The following PPFIBP1 variants were observed in gnomAD, a reference collection of about 807,000 sequenced individuals.
The protein encoded by PPFIBP1 is PPFIB scaffold protein 1.
Under a neutral mutation model 137.8 loss-of-function variants are expected in PPFIBP1, and 112 were observed. That is an observed-to-expected ratio of 0.81 (90% CI 0.70 to 0.95). The LOEUF (loss-of-function observed/expected upper bound fraction) is 0.95. Ranked by LOEUF, PPFIBP1 falls within the 40% of genes least tolerant of loss-of-function variation. The probability of loss-of-function intolerance (pLI) is 0.00; values close to 1 mark genes in which losing one functional copy is unlikely to be tolerated. For missense variants in PPFIBP1, 1,083 were observed against 1,196.6 expected (o/e 0.91, Z 1.40); for synonymous variants, 378 against 417.3 (o/e 0.91, Z 1.15).
rs2061697281 is a variant in PPFIBP1 at position 27,694,723 on chromosome 12, A to T, written c.*1841A>T. The stretch of plus-strand genomic sequence containing the variant: ...TTATATTTGTAGAAGTATTAGAAAA[A>T]TATTCTATTTTTTATTCAGTGCTGC... On this transcript the variant is annotated 3_prime_UTR_variant, in exon 30 of 30. Coordinates refer to ENST00000228425, the MANE Select transcript of PPFIBP1 (RefSeq NM_003622.4). The T allele has an allele frequency of 6.6e-6, 1 of 152,226 alleles. No individual in the cohort carries two copies. Among genetic ancestry groups the T allele is most frequent in the Non-Finnish European group, 1.5e-5 (1 of 68,050 alleles). The allele number at this position is 152,226 out of a possible 1,614,324, so 9.4% of individuals were successfully genotyped here.
At chr12:27,664,530 T>C in intron 12 of PPFIBP1, 84 bp downstream of exon 12, 2 of 905,468 alleles carry the variant, frequency 2.2e-6, no homozygotes, top group Non-Finnish European at 3.6e-6. Context: ...ATTTCTTTCC[T>C]GGATCATACC....
At chr12:27,532,886 G>A (rs945421438) in intron 1 of PPFIBP1, among the ~76,000 whole-genome samples, 2 of 152,122 alleles carry the variant, frequency 1.3e-5, no homozygotes, top group African/African-American at 4.8e-5. Context: ...AGAAGTAAGG[G>A]AACTATTGTT....
chr12:27,541,354 G>T (rs1350970476), intron 1 of PPFIBP1, among the ~76,000 whole-genome samples: 1 of 152,098 alleles, frequency 6.6e-6, no homozygotes, highest in African/African-American at 2.4e-5. Flanking sequence ...CTTTTCCCTT[G>T]ATAGAAGTGA....
intron 4 of PPFIBP1, among the ~76,000 whole-genome samples, chr12:27,643,414 T>C (rs552023780): frequency 7.8e-6 from 1 of 129,024 alleles, no homozygotes; most frequent in South Asian, 2.5e-4. Flanking sequence ...CTAACCTTAG[T>C]GCATTCAGAG....
intron 11 of PPFIBP1, among the ~76,000 whole-genome samples, chr12:27,662,525 A>G (rs2059615434): frequency 6.6e-6 from 1 of 152,202 alleles, no homozygotes; most frequent in Non-Finnish European, 1.5e-5. Context: ...ATAGCAGTGA[A>G]GTGATAAGGT....
intron 3 of PPFIBP1, among the ~76,000 whole-genome samples, chr12:27,633,929 C>T (rs1565906633): frequency 6.6e-6 from 1 of 150,924 alleles, no homozygotes; most frequent in Non-Finnish European, 1.5e-5. Context: ...CCTCCGCCTC[C>T]TGGGTTCAAG....
chr12:27,657,764 G>C (rs1435389245), intron 9 of PPFIBP1, among the ~76,000 whole-genome samples: 1 of 152,118 alleles, frequency 6.6e-6, no homozygotes, highest in East Asian at 1.9e-4. Context: ...ATTGTGTATT[G>C]ATAAGGGACA....
intron 2 of PPFIBP1, among the ~76,000 whole-genome samples, chr12:27,605,906 T>C (rs12818919): frequency 0.15 from 22,257 of 152,186 alleles, 2,152 homozygotes; most frequent in African/African-American, 0.26. Flanking sequence ...TGCAATTTGA[T>C]AATTCCATTG....
At chr12:27,656,817 G>C (rs1469082973) in intron 9 of PPFIBP1, 87 bp downstream of exon 9, 6 of 907,372 alleles carry the variant, frequency 6.6e-6, no homozygotes, top group Non-Finnish European at 1.1e-5. Context: ...TCAATGTGTA[G>C]TTTTAGCATC....
chr12:27,671,900 C>T (rs766383249), intron 14 of PPFIBP1, among the ~76,000 whole-genome samples: 26 of 151,944 alleles, frequency 1.7e-4, no homozygotes, highest in Non-Finnish European at 3.1e-4. Flanking sequence ...GGCGAAATCC[C>T]GTCTTTACTG....
At chr12:27,576,529 C>T (rs1475859160) in intron 1 of PPFIBP1, among the ~76,000 whole-genome samples, 2 of 152,158 alleles carry the variant, frequency 1.3e-5, no homozygotes, top group African/African-American at 2.4e-5. Context: ...CGTTCCAGAG[C>T]AGGAGATGAG....
chr12:27,619,417 C>G (rs2056115506), intron 2 of PPFIBP1, among the ~76,000 whole-genome samples: 1 of 151,692 alleles, frequency 6.6e-6, no homozygotes, highest in African/African-American at 2.4e-5. Context: ...ATTCATAGTT[C>G]TTTGAATCCA....
intron 26 of PPFIBP1, among the ~76,000 whole-genome samples, chr12:27,688,731 A>G (rs975273571): frequency 6.6e-6 from 1 of 152,200 alleles, no homozygotes; most frequent in Non-Finnish European, 1.5e-5. Context: ...AATGTTGCTT[A>G]AGGAGGTGGC....
At chr12:27,526,519 A>G (rs1223188335) in intron 1 of PPFIBP1, among the ~76,000 whole-genome samples, 4 of 152,216 alleles carry the variant, frequency 2.6e-5, no homozygotes, top group Admixed American at 6.5e-5. Flanking sequence ...AACAACTGTC[A>G]TATTTCCAAG....
At chr12:27,668,384 C>T (rs1013965909) in intron 13 of PPFIBP1, among the ~76,000 whole-genome samples, 2 of 152,284 alleles carry the variant, frequency 1.3e-5, no homozygotes, top group Middle Eastern at 6.8e-3. Context: ...TAGCCACTCC[C>T]ATTAAAAAGG....
chr12:27,532,716 T>C (rs1435337624), intron 1 of PPFIBP1, among the ~76,000 whole-genome samples: 2 of 152,020 alleles, frequency 1.3e-5, no homozygotes, highest in African/African-American at 4.8e-5. Flanking sequence ...ATGAGCATAC[T>C]TGGGTTTGGA....
At chr12:27,584,916 G>A (rs751629685) in intron 2 of PPFIBP1, among the ~76,000 whole-genome samples, 2 of 152,186 alleles carry the variant, frequency 1.3e-5, no homozygotes, top group Non-Finnish European at 2.9e-5. Context: ...AGAGCAGGGG[G>A]AATTCTTAGT....
intron 1 of PPFIBP1, among the ~76,000 whole-genome samples, chr12:27,562,278 A>G (rs1565774167): frequency 6.6e-6 from 1 of 151,486 alleles, no homozygotes; most frequent in Non-Finnish European, 1.5e-5. Flanking sequence ...GTTGAATAAA[A>G]GAAAGAAGTG....
At chr12:27,661,046 C>T in intron 11 of PPFIBP1, 101 bp downstream of exon 11, 2 of 1,496,254 alleles carry the variant, frequency 1.3e-6, no homozygotes, top group African/African-American at 1.4e-5. Context: ...AGAACATGCC[C>T]AGAACACTGC....
Sources: allele counts gnomAD v4.1 joint callset (sites outside exome capture counted in the v4.1 genomes callset), GRCh38; gene constraint gnomAD v4.1.1; transcripts MANE v1.5; gene names NCBI Gene and HGNC (gene_info 2026-07-23, HGNC 2026-07-21).